Variants in NLGN1 observed in about 807,000 individuals in gnomAD.
NLGN1 encodes the protein neuroligin 1.
A neutral mutation model predicts 65.5 loss-of-function variants in NLGN1; 12 were observed. The ratio of observed to expected loss-of-function variants is 0.18; its 90% CI spans 0.12 to 0.30. NLGN1 has a LOEUF of 0.30. NLGN1 is among the 10% of genes least tolerant of loss of function. NLGN1 has a pLI of 1.00. For synonymous variants in NLGN1, 350 were observed against 359.5 expected, an observed-to-expected ratio of 0.97 and a Z score of 0.30; for missense variants, 750 against 1,007.1, an observed-to-expected ratio of 0.74 and a Z score of 3.46.
chr3:173,409,073 C>T (rs1711944811), intron 1 of NLGN1, among the ~76,000 whole-genome samples: 1 of 152,080 alleles, frequency 6.6e-6, no homozygotes, highest in African/African-American at 2.4e-5. Context: ...TCTCGTGGGA[C>T]ACTCTACCAT....
At chr3:173,405,180 C>T (rs1168181762) in intron 1 of NLGN1, among the ~76,000 whole-genome samples, 1 of 152,128 alleles carries the variant, frequency 6.6e-6, no homozygotes, top group African/African-American at 2.4e-5. Context: ...AAGGGCTCCG[C>T]GATTGTCTCC....
At chr3:173,932,860 T>C (rs998868335) in intron 4 of NLGN1, among the ~76,000 whole-genome samples, 2 of 152,150 alleles carry the variant, frequency 1.3e-5, no homozygotes, top group African/African-American at 4.8e-5. Context: ...AGACACTGGC[T>C]GCCCCAGGAG....
chr3:174,237,995 T>C (rs1277457788), intron 4 of NLGN1, among the ~76,000 whole-genome samples: 1 of 152,206 alleles, frequency 6.6e-6, no homozygotes, highest in African/African-American at 2.4e-5. Flanking sequence ...ACAACATTTT[T>C]ACCTGTATAG....
At chr3:173,542,716 C>G (rs1443850635) in intron 2 of NLGN1, among the ~76,000 whole-genome samples, 1 of 151,996 alleles carries the variant, frequency 6.6e-6, no homozygotes, top group Non-Finnish European at 1.5e-5. Flanking sequence ...TAGAGGCTTT[C>G]ATTCTAACCC....
chr3:173,687,683 T>A (rs1040669276), intron 3 of NLGN1, among the ~76,000 whole-genome samples: 8 of 152,250 alleles, frequency 5.3e-5, no homozygotes, highest in Non-Finnish European at 1.0e-4. Context: ...TCAGCTCAGA[T>A]AACTATACAT....
At chr3:173,778,150 T>C (rs1032853087) in intron 3 of NLGN1, among the ~76,000 whole-genome samples, 2 of 151,894 alleles carry the variant, frequency 1.3e-5, no homozygotes, top group Non-Finnish European at 3.0e-5. Context: ...ATTTCTTTAG[T>C]GTCTGTTTTT....
At chr3:173,523,529 T>A (rs1022603285) in intron 2 of NLGN1, among the ~76,000 whole-genome samples, 1 of 151,776 alleles carries the variant, frequency 6.6e-6, no homozygotes, top group Non-Finnish European at 1.5e-5. Flanking sequence ...TCCCATTGTT[T>A]ATTTTTGTCA....
At chr3:173,789,768 C>G (rs777449773) in intron 3 of NLGN1, 1 of 452,956 alleles carries the variant, frequency 2.2e-6, no homozygotes, top group African/African-American at 2.0e-5. Context: ...TTCCACACTC[C>G]GCCCATCCTT....
chr3:174,054,649 C>T (rs1277561409), intron 4 of NLGN1, among the ~76,000 whole-genome samples: 2 of 151,974 alleles, frequency 1.3e-5, no homozygotes, highest in Non-Finnish European at 2.9e-5. Flanking sequence ...ATGGATCCTG[C>T]TGCATGCATA....
At chr3:173,496,288 T>G (rs1730015159) in intron 2 of NLGN1, among the ~76,000 whole-genome samples, 1 of 151,814 alleles carries the variant, frequency 6.6e-6, no homozygotes. Flanking sequence ...AAGAATCGCA[T>G]TTGAATAGAT....
At chr3:174,110,998 C>T (rs527534288) in intron 4 of NLGN1, among the ~76,000 whole-genome samples, 1 of 151,910 alleles carries the variant, frequency 6.6e-6, no homozygotes, top group Non-Finnish European at 1.5e-5. Context: ...TATCGTCAGT[C>T]CTTATACACA....
At chr3:173,690,674 T>A (rs992100907) in intron 3 of NLGN1, among the ~76,000 whole-genome samples, 2 of 152,212 alleles carry the variant, frequency 1.3e-5, no homozygotes. Context: ...CTTGGTAATC[T>A]GTAATCAAGT....
intron 4 of NLGN1, among the ~76,000 whole-genome samples, chr3:174,055,040 A>G (rs1477034423): frequency 2.0e-5 from 3 of 151,810 alleles, no homozygotes; most frequent in Non-Finnish European, 4.4e-5. Flanking sequence ...TCCAAGACTG[A>G]TACAAAACTC....
At chr3:174,241,805 C>T (rs1369327293) in intron 4 of NLGN1, among the ~76,000 whole-genome samples, 1 of 152,088 alleles carries the variant, frequency 6.6e-6, no homozygotes, top group African/African-American at 2.4e-5. Context: ...ACTACAGGCG[C>T]CCGCCACCAC....
chr3:173,750,637 T>C (rs1560295789), intron 3 of NLGN1, among the ~76,000 whole-genome samples: 1 of 152,108 alleles, frequency 6.6e-6, no homozygotes, highest in Admixed American at 6.6e-5. Flanking sequence ...TTTCTGTGCC[T>C]CAAAGTAATC....
At chr3:173,873,838 C>T (rs1731638421) in intron 4 of NLGN1, among the ~76,000 whole-genome samples, 1 of 152,182 alleles carries the variant, frequency 6.6e-6, no homozygotes, top group African/African-American at 2.4e-5. Flanking sequence ...GCGTACCTAA[C>T]ATCCAGTACC....
chr3:173,401,632 A>T (rs146771229), intron 1 of NLGN1, among the ~76,000 whole-genome samples: 85 of 152,148 alleles, frequency 5.6e-4, no homozygotes, highest in African/African-American at 1.9e-3. Flanking sequence ...TAGGTAACTG[A>T]GAGGTTGGAA....
chr3:173,542,452 C>A (rs1278777788), intron 2 of NLGN1, among the ~76,000 whole-genome samples: 3 of 151,944 alleles, frequency 2.0e-5, no homozygotes, highest in Non-Finnish European at 4.4e-5. Flanking sequence ...CATTGCTCAC[C>A]TTTTATGGTT....
At chr3:174,023,531 C>T (rs1728196475) in intron 4 of NLGN1, among the ~76,000 whole-genome samples, 1 of 152,144 alleles carries the variant, frequency 6.6e-6, no homozygotes, top group African/African-American at 2.4e-5. Context: ...ATTCCCATTC[C>T]TTCCTTTGAG....
Sources: allele counts gnomAD v4.1 joint callset (sites outside exome capture counted in the v4.1 genomes callset), GRCh38; gene constraint gnomAD v4.1.1; transcripts MANE v1.5; gene names NCBI Gene and HGNC (gene_info 2026-07-23, HGNC 2026-07-21).